The following RSF1 variants were observed in gnomAD, a reference collection of about 807,000 sequenced individuals.
The protein encoded by RSF1 is HBV pX-associated protein 8.
A neutral mutation model predicts 145.2 loss-of-function variants in RSF1; 13 were observed. The observed-to-expected ratio is 0.09, with a 90% CI of 0.06 to 0.14. RSF1 has a LOEUF of 0.14. RSF1 is among the 10% of genes least tolerant of loss of function. The probability of loss-of-function intolerance (pLI) is 1.00; values close to 1 mark genes in which losing one functional copy is unlikely to be tolerated. For missense variants in RSF1, 1,517 were observed against 1,718.2 expected, an observed-to-expected ratio of 0.88 and a Z score of 2.07; for synonymous variants, 577 against 592.6, an observed-to-expected ratio of 0.97 and a Z score of 0.38.
chr11:77,729,895 C>CAAAAAAA lies in RSF1; in HGVS notation c.579-4203_579-4197dup, dbSNP rs398045289. Among the ~76,000 whole-genome samples, 53 of 48,928 alleles carry CAAAAAAA rather than the reference C, an allele frequency of 1.1e-3. 6 individuals are homozygous for CAAAAAAA. The highest frequency in any genetic ancestry group is 1.3e-3 in the African/African-American group (23 of 17,192). 32.1% of individuals were successfully genotyped at this position (48,928 alleles called of 152,430 possible). A position where few individuals can be genotyped will look rare whatever the true frequency, so the allele number is the denominator to read the frequency against. ...TATAAATGCCAAATTATTCAGTAGG[C>CAAAAAAA]AAAAAAAAAAAAAAAAAAAAAAAAA... On this transcript the variant is annotated intron_variant, in intron 4 of 15. Coordinates refer to ENST00000308488, the MANE Select transcript of RSF1 (RefSeq NM_016578.4).
At chr11:77,868,398 G>T in the RSF1 span, among the ~76,000 whole-genome samples, 12 of 112,456 alleles carry the variant, frequency 1.1e-4, no homozygotes, top group Non-Finnish European at 1.5e-4. Flanking sequence ...TGGTCTTGTT[G>T]CCCAGGCTGG....
chr11:77,690,887 GTTCAATAAAACT>G, intron 9 of RSF1: 1 of 441,858 alleles, frequency 2.3e-6, no homozygotes, highest in Non-Finnish European at 4.0e-6. Flanking sequence ...GCAAGGTTGC[GTTCAATAAAACT>G]TTATTCACAG....
chr11:77,828,988 C>T, the RSF1 span, among the ~76,000 whole-genome samples: 57 of 152,278 alleles, frequency 3.7e-4, 1 homozygote, highest in Admixed American at 1.4e-3. Flanking sequence ...TACACAGCTA[C>T]GGTAATCAAG....
chr11:77,737,428 C>T (rs1395036193), intron 4 of RSF1, among the ~76,000 whole-genome samples: 2 of 150,972 alleles, frequency 1.3e-5, no homozygotes, highest in Admixed American at 1.3e-4. Context: ...ACACTGCAGC[C>T]TGGGCAACAA....
intron 1 of RSF1, among the ~76,000 whole-genome samples, chr11:77,777,340 C>T (rs906987653): frequency 1.6e-4 from 25 of 152,080 alleles, no homozygotes; most frequent in African/African-American, 5.5e-4. Context: ...GCCTGTAATC[C>T]CAGCACTTTT....
the RSF1 span, among the ~76,000 whole-genome samples, chr11:77,866,158 T>C: frequency 6.6e-6 from 1 of 152,234 alleles, no homozygotes; most frequent in Admixed American, 6.5e-5. Context: ...ATGTTTTCTT[T>C]TTAAAGTTAG....
At chr11:77,843,246 G>A in the RSF1 span, among the ~76,000 whole-genome samples, 6 of 152,148 alleles carry the variant, frequency 3.9e-5, no homozygotes, top group East Asian at 1.9e-4. Context: ...TTCTCATTGC[G>A]GTTTTTATTT....
chr11:77,714,692 A>C (rs1162527152), intron 5 of RSF1, among the ~76,000 whole-genome samples: 1 of 152,190 alleles, frequency 6.6e-6, no homozygotes, highest in Non-Finnish European at 1.5e-5. Context: ...AAATACAAAA[A>C]TTAGCTAAGC....
intron 13 of RSF1, among the ~76,000 whole-genome samples, chr11:77,675,934 CAAAT>C (rs1959689512): frequency 6.6e-6 from 1 of 152,188 alleles, no homozygotes; most frequent in East Asian, 1.9e-4. Context: ...TTATGCATGA[CAAAT>C]AAAACACTCC....
upstream of RSF1, among the ~76,000 whole-genome samples, chr11:77,823,838 C>T (rs1366629812): frequency 1.3e-5 from 2 of 151,888 alleles, no homozygotes; most frequent in Non-Finnish European, 2.9e-5. Flanking sequence ...GTGAACCTTG[C>T]CTGTACTTTC....
At chr11:77,746,992 A>T in intron 3 of RSF1, 44 bp downstream of exon 3, 1 of 1,290,752 alleles carries the variant, frequency 7.7e-7, no homozygotes, top group Non-Finnish European at 1.1e-6. Context: ...GTCAAAAGTT[A>T]AATTTTAAAT....
chr11:77,758,850 T>C (rs1421903299), intron 2 of RSF1, among the ~76,000 whole-genome samples: 1 of 148,630 alleles, frequency 6.7e-6, no homozygotes, highest in Non-Finnish European at 1.5e-5. Flanking sequence ...AGTTATATGA[T>C]TTGCAATACG....
rs938141416 is a variant in RSF1, at chr11:77,723,819, T to C, written c.733+1726A>G. Reference sequence around the variant, plus strand: ...CAAACTAAAAGCAAAGAAAACATAATAAGGAAAGCAAATTCCTTCCCTTGT... The same window carrying C: ...CAAACTAAAAGCAAAGAAAACATAACAAGGAAAGCAAATTCCTTCCCTTGT... On this transcript the variant is annotated intron_variant, in intron 5 of 15. Transcript: ENST00000308488. 2.8e-4 allele frequency among the ~76,000 whole-genome samples: 43 copies of C among 152,202 alleles called. 2 individuals carry two copies. The highest frequency in any genetic ancestry group is 7.4e-5 in the Non-Finnish European group (5 of 68,024).
chr11:77,708,766 G>C (rs534307415), intron 5 of RSF1, among the ~76,000 whole-genome samples: 29 of 152,302 alleles, frequency 1.9e-4, no homozygotes, highest in Non-Finnish European at 4.1e-4. Context: ...CCCTTTCAGA[G>C]CCTTACCTGC....
chr11:77,748,075 G>A (rs1425927239), intron 2 of RSF1, among the ~76,000 whole-genome samples: 1 of 152,032 alleles, frequency 6.6e-6, no homozygotes, highest in East Asian at 1.9e-4. Flanking sequence ...TCTCTCAGGT[G>A]GGTTACCCTT....
intron 1 of RSF1, among the ~76,000 whole-genome samples, chr11:77,799,746 A>T (rs944220249): frequency 6.6e-6 from 1 of 152,206 alleles, no homozygotes; most frequent in Admixed American, 6.5e-5. Context: ...AAAGATTAAT[A>T]AAATTGATAA....
At chr11:77,677,138 C>G in intron 12 of RSF1, 139 bp from the exon 13 acceptor site, 1 of 676,442 alleles carries the variant, frequency 1.5e-6, no homozygotes, top group South Asian at 2.0e-5. Flanking sequence ...ATGCAGTTTT[C>G]TTATGACTTC....
intron 1 of RSF1, among the ~76,000 whole-genome samples, chr11:77,785,450 C>A (rs759361587): frequency 1.3e-5 from 2 of 152,044 alleles, no homozygotes; most frequent in Non-Finnish European, 2.9e-5. Flanking sequence ...ATTAGCCAGC[C>A]GTGGTGGCAT....
intron 5 of RSF1, among the ~76,000 whole-genome samples, chr11:77,710,891 C>T (rs1471007554): frequency 1.3e-5 from 2 of 152,202 alleles, no homozygotes; most frequent in East Asian, 3.9e-4. Context: ...TTTAACATGG[C>T]TTTGATAACT....
Sources: allele counts gnomAD v4.1 joint callset (sites outside exome capture counted in the v4.1 genomes callset), GRCh38; gene constraint gnomAD v4.1.1; transcripts MANE v1.5; gene names NCBI Gene and HGNC (gene_info 2026-07-23, HGNC 2026-07-21).